Variants in CAMKK1 observed in about 807,000 individuals in gnomAD.
CAMKK1 encodes calcium/calmodulin-dependent protein kinase kinase 1.
CAMKK1 carries 20 observed loss-of-function variants against 63.5 expected under a neutral mutation model. That is an observed-to-expected ratio of 0.32 (90% CI 0.22 to 0.46). The LOEUF is 0.46. CAMKK1 is among the 20% of genes least tolerant of loss of function. CAMKK1 has a pLI of 1.00. For synonymous variants in CAMKK1, 253 were observed against 269.0 expected (o/e 0.94, Z 0.58); for missense variants, 588 against 658.1 (o/e 0.89, Z 1.17).
At position 3,885,093 on chromosome 17, in the gene CAMKK1, A is replaced by C. The variant is rs75179391; in HGVS notation, c.360+235T>G. On this transcript the variant is annotated intron_variant, in intron 2 of 15. Coordinates refer to ENST00000348335, the MANE Select transcript of CAMKK1 (RefSeq NM_032294.3). Reference sequence around the variant, plus strand: ...TACATAGGGGACCAGGGAGAGACCTATTTCCTAGGCCTGGGCTGGGAGTGG... The same window carrying C: ...TACATAGGGGACCAGGGAGAGACCTCTTTCCTAGGCCTGGGCTGGGAGTGG... 2.2e-4 allele frequency among the ~76,000 whole-genome samples: 34 copies of C among 152,300 alleles called. 1 individual carries two copies. In the East Asian group the frequency reaches 6.6e-3, roughly 29 times the overall value.
At chr17:3,888,241 G>T (rs1310675555) in intron 1 of CAMKK1, among the ~76,000 whole-genome samples, 1 of 152,226 alleles carries the variant, frequency 6.6e-6, no homozygotes, top group African/African-American at 2.4e-5. Context: ...TTTCCTTGAG[G>T]TTGCCATTCC....
At chr17:3,874,906 G>A (rs77705049) in intron 10 of CAMKK1, among the ~76,000 whole-genome samples, 49,257 of 150,862 alleles carry the variant, frequency 0.33, 9,150 homozygotes, top group South Asian at 0.6. Context: ...CGGATCACGA[G>A]GTCAGGAGAT....
At chr17:3,867,569 TGA>T (rs1187253054) in intron 14 of CAMKK1, among the ~76,000 whole-genome samples, 1 of 152,090 alleles carries the variant, frequency 6.6e-6, no homozygotes, top group Non-Finnish European at 1.5e-5. Flanking sequence ...TCCAGTGGTC[TGA>T]GAGAGAGGAG....
At position 3,861,713 on chromosome 17, in the gene CAMKK1, C is replaced by G. The variant is rs1334036410; in HGVS notation, c.*498G>C. ...TGAGGGGTCCGAGCCCCCATACCAG[C>G]GTCTGAATAGACAAGAGCTCTGGTG... On this transcript the variant is annotated 3_prime_UTR_variant, in exon 16 of 16. Coordinates refer to ENST00000348335, the MANE Select transcript of CAMKK1 (RefSeq NM_032294.3). 1 of 162,692 alleles carries G rather than the reference C, an allele frequency of 6.1e-6. No homozygotes were observed. Among genetic ancestry groups the G allele is most frequent in the Non-Finnish European group, 1.3e-5 (1 of 74,096 alleles). 10.1% of individuals were successfully genotyped at this position (162,692 alleles called of 1,614,324 possible). A position where few individuals can be genotyped will look rare whatever the true frequency, so the allele number is the denominator to read the frequency against.
At chr17:3,881,518 G>A (rs918867530) in intron 8 of CAMKK1, 109 bp downstream of exon 8, 106 of 1,090,526 alleles carry the variant, frequency 9.7e-5, no homozygotes, top group East Asian at 9.2e-4. Context: ...CAGGGCCTCC[G>A]TCTCTGACTT....
chr17:3,860,750 G>A lies in CAMKK1; in HGVS notation c.*1461C>T, dbSNP rs2054310960. ...TAGACGTAGAAACTGTATTACAGAT[G>A]CATGTACCAGTGCAGGACATACGAG... On this transcript the variant is annotated 3_prime_UTR_variant, in exon 16 of 16. Transcript: ENST00000348335. The A allele has an allele frequency of 6.6e-6, 1 of 152,260 alleles. No individual in the cohort carries two copies. The highest frequency in any genetic ancestry group is 1.5e-5 in the Non-Finnish European group (1 of 68,074). 9.4% of individuals were successfully genotyped at this position (152,260 alleles called of 1,614,324 possible).
chr17:3,864,495 C>G (rs2054439454), intron 15 of CAMKK1, among the ~76,000 whole-genome samples: 1 of 152,200 alleles, frequency 6.6e-6, no homozygotes, highest in South Asian at 2.1e-4. Flanking sequence ...ATCCACCCGC[C>G]TCGGCCTCCC....
chr17:3,885,698 A>C lies in CAMKK1; in HGVS notation c.-11T>G. The C allele has an allele frequency of 6.2e-7, 1 of 1,611,528 alleles. No homozygotes were observed. Among genetic ancestry groups the C allele is most frequent in the South Asian group, 1.1e-5 (1 of 91,078 alleles). Reference sequence around the variant, plus strand: ...TGGACCCCCCTCCATTGCTTCAGTCAAGGGGGTTCTTCTGCGTAGCCTTGT... The same window carrying C: ...TGGACCCCCCTCCATTGCTTCAGTCCAGGGGGTTCTTCTGCGTAGCCTTGT... On this transcript the variant is annotated 5_prime_UTR_variant, in exon 2 of 16. Transcript: ENST00000348335.
intron 9 of CAMKK1, among the ~76,000 whole-genome samples, chr17:3,877,078 G>A (rs1394968670): frequency 6.6e-6 from 1 of 152,088 alleles, no homozygotes; most frequent in East Asian, 1.9e-4. Flanking sequence ...TTCTTCCTAG[G>A]CTAGCTCTGC....
Position 3,887,793 on chromosome 17 carries a change from T to C in CAMKK1, c.-43-2063A>G, listed in dbSNP as rs1176275347. On this transcript the variant is annotated intron_variant, in intron 1 of 15. Coordinates refer to ENST00000348335, the MANE Select transcript of CAMKK1 (RefSeq NM_032294.3). This position sits in a 1 kb window ranked among gnomAD's most constrained non-coding sequence, Gnocchi z 6.1. The stretch of plus-strand genomic sequence containing the variant: ...GGGAGAGCTTGGAAACCAGACAGCA[T>C]AGGAAGGAGGAAGCCAAAGCTGGGA... 3.9e-5 allele frequency among the ~76,000 whole-genome samples: 6 copies of C among 151,916 alleles called. No homozygotes were observed. Among genetic ancestry groups the C allele is most frequent in the Admixed American group, 6.5e-5 (1 of 15,274 alleles).
rs776635548 is a variant in CAMKK1 at position 3,882,234 on chromosome 17, T to C, written c.685+294A>G. 12 of 1,556,098 alleles carry C rather than the reference T, an allele frequency of 7.7e-6. No homozygotes were observed. The highest frequency in any genetic ancestry group is 1.4e-5 in the African/African-American group (1 of 73,760). Reference sequence around the variant, plus strand: ...CAGAGCTACAGTGTCTGGGAACCCATGCAGCCTGCTTCCTGCATCTACCTG... The same window carrying C: ...CAGAGCTACAGTGTCTGGGAACCCACGCAGCCTGCTTCCTGCATCTACCTG... On this transcript the variant is annotated intron_variant, in intron 7 of 15. Transcript: ENST00000348335. The surrounding 1 kb of genome is among the most constrained non-coding windows in gnomAD (Gnocchi z 4.3).
At position 3,889,904 on chromosome 17, in the gene CAMKK1, A is replaced by G. The variant is rs753511; in HGVS notation, c.-44+3035T>C. ...ACCCTGCTGCCATCCACGCGGGTTC[A>G]AGTAGCTCCACCTGGGAGCTGGTCA... On this transcript the variant is annotated intron_variant, in intron 1 of 15. Transcript: ENST00000348335. The surrounding 1 kb of genome is among the most constrained non-coding windows in gnomAD (Gnocchi z 5.2). 0.46 allele frequency among the ~76,000 whole-genome samples: 70,363 copies of G among 152,078 alleles called. 17,226 individuals carry two copies. Among genetic ancestry groups the G allele is most frequent in the Non-Finnish European group, 0.54 (37,027 of 67,956 alleles).
At chr17:3,876,744 GTTT>G (rs1180032343) in intron 9 of CAMKK1, among the ~76,000 whole-genome samples, 6 of 127,692 alleles carry the variant, frequency 4.7e-5, no homozygotes, top group Non-Finnish European at 9.8e-5. Context: ...AGTTGTTGCT[GTTT>G]TTTTTTTTGG....
At position 3,883,508 on chromosome 17, in the gene CAMKK1, T is replaced by G. The variant is rs737360; in HGVS notation, c.463-28A>C. Reference sequence around the variant, plus strand: ...AAGGAAGGAGGGACAGAAATGTCACTACTGTGCAGCCACCAGGGGCTAGAA... The same window carrying G: ...AAGGAAGGAGGGACAGAAATGTCACGACTGTGCAGCCACCAGGGGCTAGAA... On this transcript the variant is annotated intron_variant, in intron 4 of 15. Coordinates refer to ENST00000348335, the MANE Select transcript of CAMKK1 (RefSeq NM_032294.3). The surrounding 1 kb of genome is among the most constrained non-coding windows in gnomAD (Gnocchi z 4.7). 1 of 1,591,348 alleles carries G rather than the reference T, an allele frequency of 6.3e-7. No individual in the cohort carries two copies. The highest frequency in any genetic ancestry group is 1.1e-5 in the South Asian group (1 of 90,604).
In CAMKK1 at chr17:3,887,752, T is replaced by A. The variant is rs770603888; in HGVS notation, c.-43-2022A>T. 7.9e-5 allele frequency among the ~76,000 whole-genome samples: 12 copies of A among 151,630 alleles called. No homozygotes were observed. Among genetic ancestry groups the A allele is most frequent in the Non-Finnish European group, 1.8e-4 (12 of 67,846 alleles). ...TGGAGGAGGTGAGAGGGACAGTGAGTGGGGCTGGAGCTTCGGGGAGAGCTT... is the reference window on the plus strand; with the variant it reads ...TGGAGGAGGTGAGAGGGACAGTGAGAGGGGCTGGAGCTTCGGGGAGAGCTT... On this transcript the variant is annotated intron_variant, in intron 1 of 15. Coordinates refer to ENST00000348335, the MANE Select transcript of CAMKK1 (RefSeq NM_032294.3). The surrounding 1 kb of genome is among the most constrained non-coding windows in gnomAD (Gnocchi z 6.1).
intron 10 of CAMKK1, among the ~76,000 whole-genome samples, chr17:3,875,200 G>A (rs893190054): frequency 6.6e-6 from 1 of 152,156 alleles, no homozygotes; most frequent in Admixed American, 6.5e-5. Context: ...AGATATAGGG[G>A]ATTTCTTTGT....
At chr17:3,888,196 A>G (rs1470454764) in intron 1 of CAMKK1, among the ~76,000 whole-genome samples, 1 of 152,202 alleles carries the variant, frequency 6.6e-6, no homozygotes, top group Non-Finnish European at 1.5e-5. Context: ...CACAGGCAGA[A>G]GCCACAGGCT....
intron 15 of CAMKK1, chr17:3,865,643 AG>A: frequency 1.5e-6 from 2 of 1,333,934 alleles, no homozygotes; most frequent in Non-Finnish European, 9.6e-7. Flanking sequence ...TGTCCCATGG[AG>A]GGGCTGCGTG....
At chr17:3,873,508 C>A (rs1160792705) in intron 10 of CAMKK1, 46 bp from the exon 11 acceptor site, 1 of 1,594,828 alleles carries the variant, frequency 6.3e-7, no homozygotes, top group Non-Finnish European at 8.6e-7. Flanking sequence ...GCACAGCCAC[C>A]TCTGCCCACC....
Sources: gnomAD v4.1 joint callset for allele counts (sites outside exome capture counted in the v4.1 genomes callset) on GRCh38, gnomAD v4.1.1 for gene constraint, Gnocchi (gnomAD v3.1) non-coding constraint, MANE v1.5 for transcripts, NCBI Gene and HGNC (gene_info 2026-07-23, HGNC 2026-07-21) for gene names.